Variants in ICAM1 observed in about 807,000 individuals in gnomAD.
ICAM1 encodes the protein ICAM-1.
In ICAM1, 28 loss-of-function variants were observed where a neutral mutation model predicts 42.3. The observed-to-expected ratio is 0.66, with a 90% CI of 0.49 to 0.91. The LOEUF (loss-of-function observed/expected upper bound fraction) is 0.91. Ranked by LOEUF, ICAM1 falls within the 40% of genes least tolerant of loss-of-function variation. The pLI is 0.00. For missense variants in ICAM1, 637 were observed against 688.6 expected, an observed-to-expected ratio of 0.93 and a Z score of 0.84; for synonymous variants, 304 against 305.9, an observed-to-expected ratio of 0.99 and a Z score of 0.07.
chr19:10,285,006 C>A lies in ICAM1; in HGVS notation c.1404C>A (p.Arg468=), dbSNP rs772834478. Reference sequence around the variant, plus strand: ...GGAGCACTCAAGGGGAGGTCACCCGCAAGGTGACCGTGAATGTGCTCTGTG... The same window carrying A: ...GGAGCACTCAAGGGGAGGTCACCCGAAAGGTGACCGTGAATGTGCTCTGTG... ...RARSTQGEVT[R]KVTVNVLSPR... Residue 468 remains arginine (R), a synonymous_variant, in exon 6 of 7, where the codon CGC becomes CGA. Coordinates refer to ENST00000264832, the MANE Select transcript of ICAM1 (RefSeq NM_000201.3). 1 of 1,613,636 alleles carries A rather than the reference C, an allele frequency of 6.2e-7. No individual in the cohort carries two copies. Among genetic ancestry groups the A allele is most frequent in the Non-Finnish European group, 8.5e-7 (1 of 1,179,848 alleles).
At position 10,283,583 on chromosome 19, in the gene ICAM1, A is replaced by G; in HGVS notation, c.434A>G (p.Asn145Ser). The change falls in exon 3 of 7, where the codon AAC becomes AGC. Residue 145 changes from asparagine to serine, a missense_variant. By Grantham distance (46) the Asn-to-Ser change is conservative. Transcript: ENST00000264832. ...CQVEGGAPRA[N>S]LTVVLLRGEK... ...GTGGAGGGTGGGGCACCCCGGGCCA[A>G]CCTCACCGTGGTGCTGCTCCGTGGG... 6.2e-7 allele frequency: 1 copy of G among 1,613,804 alleles called. No individual in the cohort carries two copies. The highest frequency in any genetic ancestry group is 1.3e-5 in the African/African-American group (1 of 75,054).
chr19:10,281,647 GA>G (rs5030375), intron 2 of ICAM1, among the ~76,000 whole-genome samples: 2 of 151,070 alleles, frequency 1.3e-5, no homozygotes, highest in African/African-American at 4.9e-5. Flanking sequence ...CTGAGGTTCA[GA>G]GAGACAAAGT....
intron 1 of ICAM1, among the ~76,000 whole-genome samples, 200 bp downstream of exon 1, chr19:10,271,426 T>TA (rs1202869751): frequency 6.6e-6 from 1 of 152,006 alleles, no homozygotes; most frequent in African/African-American, 2.4e-5. Flanking sequence ...GATTGCAGCT[T>TA]TAAAAAAGGG....
chr19:10,274,901 G>C lies in ICAM1; in HGVS notation c.204G>C (p.Glu68Asp), dbSNP rs778384721. The change falls in exon 2 of 7, where the codon GAG (glutamate) becomes GAC (aspartate). Residue 68 changes from glutamate to aspartate, a missense_variant. Physicochemically the swap from Glu to Asp is conservative, Grantham distance 45 (BLOSUM62 2). Transcript: ENST00000264832. ...LGIETPLPKKELLLPGNNRKV... is the reference protein window; with the variant it reads ...LGIETPLPKKDLLLPGNNRKV... ...TAGAGACCCCGTTGCCTAAAAAGGA[G>C]TTGCTCCTGCCTGGGAACAACCGGA... 1 of 1,614,252 alleles carries C rather than the reference G, an allele frequency of 6.2e-7. No homozygotes were observed. Among genetic ancestry groups the C allele is most frequent in the South Asian group, 1.1e-5 (1 of 91,092 alleles).
Position 10,285,421 on chromosome 19 carries a change from C to T in ICAM1, c.*134C>T. ...GGGACGCCGGAGGACAGGGCATTGT[C>T]CTCAGTCAGATACAACAGCATTTGG... On this transcript the variant is annotated 3_prime_UTR_variant, in exon 7 of 7. Coordinates refer to ENST00000264832, the MANE Select transcript of ICAM1 (RefSeq NM_000201.3). 1 of 784,998 alleles carries T rather than the reference C, an allele frequency of 1.3e-6. No homozygotes were observed. Among genetic ancestry groups the T allele is most frequent in the Non-Finnish European group, 2.0e-6 (1 of 491,078 alleles). The allele number at this position is 784,998 out of a possible 1,614,324, so 48.6% of individuals were successfully genotyped here.
At chr19:10,272,323 C>A (rs920673418) in intron 1 of ICAM1, among the ~76,000 whole-genome samples, 3 of 152,238 alleles carry the variant, frequency 2.0e-5, no homozygotes, top group African/African-American at 7.2e-5. Flanking sequence ...AGACCCAGAT[C>A]GCACTGCTTT....
rs2040083897 is a variant in ICAM1, at chr19:10,284,137, G to A, written c.742G>A (p.Ala248Thr). The change falls in exon 4 of 7, where the codon GCC (alanine) becomes ACC (threonine). Residue 248 changes from alanine (A) to threonine (T), a missense_variant. By Grantham distance (58) the Ala-to-Thr change is moderately conservative (BLOSUM62 0). Transcript: ENST00000264832. This position sits in a 1 kb window ranked among gnomAD's most constrained non-coding sequence, Gnocchi z 5.4. Reference protein sequence around the residue: ...SLDGLFPVSEAQVHLALGDQR... With the variant: ...SLDGLFPVSETQVHLALGDQR... ...GGACGGGCTGTTCCCAGTCTCGGAG[G>A]CCCAGGTCCACCTGGCACTGGGGGA... 6.2e-7 allele frequency: 1 copy of A among 1,613,914 alleles called. No homozygotes were observed. The highest frequency in any genetic ancestry group is 1.3e-5 in the African/African-American group (1 of 74,926).
Position 10,283,604 on chromosome 19 carries a change from G to T in ICAM1, c.455G>T (p.Arg152Leu), listed in dbSNP as rs370720409. 15 of 1,614,014 alleles carry T rather than the reference G, an allele frequency of 9.3e-6. No individual in the cohort carries two copies. The South Asian group carries it at 1.5e-4, about 17-fold the overall frequency. Reference protein sequence around the residue: ...PRANLTVVLLRGEKELKREPA... With the variant: ...PRANLTVVLLLGEKELKREPA... ...GCCAACCTCACCGTGGTGCTGCTCCGTGGGGAGAAGGAGCTGAAACGGGAG... is the reference window on the plus strand; with the variant it reads ...GCCAACCTCACCGTGGTGCTGCTCCTTGGGGAGAAGGAGCTGAAACGGGAG... The change falls in exon 3 of 7, where the codon CGT becomes CTT. Residue 152 changes from arginine to leucine, a missense_variant. Transcript: ENST00000264832.
Position 10,285,289 on chromosome 19 carries a change from C to G in ICAM1, c.*2C>G, listed in dbSNP as rs373937707. On this transcript the variant is annotated 3_prime_UTR_variant, in exon 7 of 7. Transcript: ENST00000264832. ...AACACACAAGCCACGCCTCCCTGAACCTATCCCGGGACAGGGCCTCTTCCT... is the reference window on the plus strand; with the variant it reads ...AACACACAAGCCACGCCTCCCTGAAGCTATCCCGGGACAGGGCCTCTTCCT... The G allele has an allele frequency of 1.2e-5, 20 of 1,613,270 alleles. No individual in the cohort carries two copies. The highest frequency in any genetic ancestry group is 1.6e-5 in the Non-Finnish European group (19 of 1,179,570).
intron 2 of ICAM1, among the ~76,000 whole-genome samples, chr19:10,280,642 T>C (rs1474246787): frequency 6.6e-6 from 1 of 151,740 alleles, no homozygotes; most frequent in Non-Finnish European, 1.5e-5. Flanking sequence ...GGATCTTAGC[T>C]CACCACAACC....
At chr19:10,278,709 T>A (rs892074594) in intron 2 of ICAM1, among the ~76,000 whole-genome samples, 4 of 151,840 alleles carry the variant, frequency 2.6e-5, no homozygotes, top group Non-Finnish European at 1.5e-5. Context: ...GCCTGGCTAA[T>A]TTTTGTATTT....
At chr19:10,273,015 G>A (rs1394075645) in intron 1 of ICAM1, among the ~76,000 whole-genome samples, 1 of 152,018 alleles carries the variant, frequency 6.6e-6, no homozygotes, top group African/African-American at 2.4e-5. Context: ...ATTCCTGGAG[G>A]GCTGACTGTC....
chr19:10,278,730 CAG>C (rs2145493881), intron 2 of ICAM1, among the ~76,000 whole-genome samples: 1 of 151,628 alleles, frequency 6.6e-6, no homozygotes, highest in Admixed American at 6.6e-5. Flanking sequence ...TTAGTAGAGA[CAG>C]GGTTTCGCCA....
At position 10,284,871 on chromosome 19, in the gene ICAM1, GA is replaced by G. The variant is rs1392798016; in HGVS notation, c.1271del (p.Asn424ThrfsTer9). The G allele has an allele frequency of 6.3e-7, 1 of 1,595,322 alleles. No individual in the cohort carries two copies. The highest frequency in any genetic ancestry group is 1.4e-5 in the African/African-American group (1 of 73,718). On this transcript the variant is annotated frameshift_variant, in exon 6 of 7. Transcript: ENST00000264832. LOFTEE classifies it high-confidence loss of function. This position sits in a 1 kb window ranked among gnomAD's most constrained non-coding sequence, Gnocchi z 5.4. ...AGACTCCAATGTGCCAGGCTTGGGG[GA>G]ACCCATTGCCCGAGCTCAAGTGTCT... ...QQTPMCQAWG[N>X]PLPELKCLKD...
At chr19:10,274,121 A>G (rs1345667722) in intron 1 of ICAM1, among the ~76,000 whole-genome samples, 2 of 151,756 alleles carry the variant, frequency 1.3e-5, no homozygotes, top group Non-Finnish European at 1.5e-5. Context: ...AGCTCCAGCC[A>G]CCCTGCCCCG....
In ICAM1 at chr19:10,284,959, G is replaced by A. The variant is rs2040091810; in HGVS notation, c.1357G>A (p.Gly453Ser). 1.2e-6 allele frequency: 2 copies of A among 1,611,028 alleles called. No homozygotes were observed. The highest frequency in any genetic ancestry group is 1.7e-6 in the Non-Finnish European group (2 of 1,177,956). Reference protein sequence around the residue: ...ESVTVTRDLEGTYLCRARSTQ... With the variant: ...ESVTVTRDLESTYLCRARSTQ... ...AGTGACTGTCACTCGAGATCTTGAG[G>A]GCACCTACCTCTGTCGGGCCAGGAG... is the stretch of plus-strand genomic sequence containing the variant. The change falls in exon 6 of 7, where the codon GGC (glycine) becomes AGC (serine). Residue 453 changes from glycine (G) to serine (S), a missense_variant. Physicochemically the swap from Gly to Ser is moderately conservative, Grantham distance 56. Transcript: ENST00000264832. The surrounding 1 kb of genome is among the most constrained non-coding windows in gnomAD (Gnocchi z 5.4).
intron 2 of ICAM1, among the ~76,000 whole-genome samples, chr19:10,275,761 G>A (rs937188686): frequency 8.9e-5 from 13 of 145,418 alleles, no homozygotes; most frequent in Non-Finnish European, 4.5e-5. Context: ...AGGCTGGAGT[G>A]CAGTGGTGTG....
In ICAM1 at chr19:10,274,998, T is replaced by G; in HGVS notation, c.301T>G (p.Ser101Ala). Residue 101 changes from serine (S) to alanine (A), a missense_variant, in exon 2 of 7, where the codon TCA becomes GCA. Coordinates refer to ENST00000264832, the MANE Select transcript of ICAM1 (RefSeq NM_000201.3). ...MCYSNCPDGQ[S>A]TAKTFLTVYW... ...CTATTCAAACTGCCCTGATGGGCAGTCAACAGCTAAAACCTTCCTCACCGT... is the reference window on the plus strand; with the variant it reads ...CTATTCAAACTGCCCTGATGGGCAGGCAACAGCTAAAACCTTCCTCACCGT... The G allele has an allele frequency of 1.2e-6, 2 of 1,614,004 alleles. No homozygotes were observed. Among genetic ancestry groups the G allele is most frequent in the Middle Eastern group, 3.3e-4 (2 of 6,060 alleles).
chr19:10,284,901 G>A lies in ICAM1; in HGVS notation c.1299G>A (p.Lys433=), dbSNP rs1369216765. The stretch of plus-strand genomic sequence containing the variant: ...CATTGCCCGAGCTCAAGTGTCTAAA[G>A]GATGGCACTTTCCCACTGCCCATCG... ...GNPLPELKCL[K]DGTFPLPIGE... Residue 433 remains lysine (K), a synonymous_variant, in exon 6 of 7, where the codon AAG becomes AAA. Coordinates refer to ENST00000264832, the MANE Select transcript of ICAM1 (RefSeq NM_000201.3). This position sits in a 1 kb window ranked among gnomAD's most constrained non-coding sequence, Gnocchi z 5.4. 1.9e-6 allele frequency: 3 copies of A among 1,602,282 alleles called. No individual in the cohort carries two copies. The highest frequency in any genetic ancestry group is 2.2e-5 in the South Asian group (2 of 90,058).
Sources: allele counts gnomAD v4.1 joint callset (sites outside exome capture counted in the v4.1 genomes callset), GRCh38; gene constraint gnomAD v4.1.1; non-coding constraint Gnocchi (gnomAD v3.1); transcripts MANE v1.5; gene names NCBI Gene and HGNC (gene_info 2026-07-23, HGNC 2026-07-21).